Variants in ST6GALNAC5 observed in about 807,000 individuals in gnomAD.
The protein encoded by ST6GALNAC5 is ST6 N-acetylgalactosaminide alpha-2,6-sialyltransferase 5.
A neutral mutation model predicts 33.6 loss-of-function variants in ST6GALNAC5; 27 were observed. That is an observed-to-expected ratio of 0.80 (90% CI 0.59 to 1.11). ST6GALNAC5 has a LOEUF of 1.11. ST6GALNAC5 is among the 50% of genes least tolerant of loss of function. The pLI, the probability that ST6GALNAC5 is intolerant of heterozygous loss-of-function variation, is 0.00. For synonymous variants in ST6GALNAC5, 194 were observed against 171.2 expected, an observed-to-expected ratio of 1.13 and a Z score of -1.04; for missense variants, 428 against 454.0, an observed-to-expected ratio of 0.94 and a Z score of 0.52.
At chr1:77,054,087 C>T (rs955197023) in intron 4 of ST6GALNAC5, among the ~76,000 whole-genome samples, 2 of 152,198 alleles carry the variant, frequency 1.3e-5, no homozygotes, top group East Asian at 1.9e-4. Context: ...TCAGCTAACT[C>T]GTGTTGGGTA....
chr1:76,979,634 CTG>C (rs1162200493), intron 2 of ST6GALNAC5, among the ~76,000 whole-genome samples: 9 of 152,236 alleles, frequency 5.9e-5, no homozygotes, highest in African/African-American at 2.2e-4. Flanking sequence ...CAAATTAAGA[CTG>C]TAATGTAAGA....
intron 2 of ST6GALNAC5, among the ~76,000 whole-genome samples, chr1:76,892,101 G>T (rs986313139): frequency 2.3e-4 from 35 of 152,150 alleles, no homozygotes; most frequent in Non-Finnish European, 3.8e-4. Flanking sequence ...GTTCACTATT[G>T]AGTTAGTAGC....
chr1:76,925,992 T>C (rs370247173), intron 2 of ST6GALNAC5, among the ~76,000 whole-genome samples: 26 of 152,298 alleles, frequency 1.7e-4, no homozygotes, highest in Middle Eastern at 3.4e-3. Flanking sequence ...TACAGAAACC[T>C]GGCCAAGTTC....
intron 2 of ST6GALNAC5, among the ~76,000 whole-genome samples, chr1:76,896,877 A>C (rs994420926): frequency 2.0e-5 from 3 of 152,312 alleles, no homozygotes; most frequent in Admixed American, 1.3e-4. Flanking sequence ...CATGAGGGCT[A>C]GGCTAAAACA....
chr1:76,901,308 G>A (rs1296122038), intron 2 of ST6GALNAC5, among the ~76,000 whole-genome samples: 1 of 152,130 alleles, frequency 6.6e-6, no homozygotes, highest in African/African-American at 2.4e-5. Context: ...GCCTTTTAGG[G>A]CTTTTCCCAA....
intron 2 of ST6GALNAC5, among the ~76,000 whole-genome samples, chr1:77,006,732 A>G (rs1011873662): frequency 5.3e-5 from 8 of 152,224 alleles, no homozygotes; most frequent in Non-Finnish European, 1.2e-4. Flanking sequence ...CCAAACAATT[A>G]GTAGCTTACA....
chr1:76,867,567 G>T lies in ST6GALNAC5; in HGVS notation c.-109G>T. On this transcript the variant is annotated 5_prime_UTR_variant, in exon 1 of 5. Coordinates refer to ENST00000477717, the MANE Select transcript of ST6GALNAC5 (RefSeq NM_030965.3). The stretch of plus-strand genomic sequence containing the variant: ...CGCGATCTGCCGCGGCCGGCTGCTG[G>T]GCAAAAATCAGAGCCGCCTCCGCCC... 6.3e-7 allele frequency: 1 copy of T among 1,585,688 alleles called. No homozygotes were observed. Among genetic ancestry groups the T allele is most frequent in the South Asian group, 1.1e-5 (1 of 90,424 alleles).
chr1:76,874,888 A>G (rs905210936), intron 2 of ST6GALNAC5, among the ~76,000 whole-genome samples: 1 of 152,190 alleles, frequency 6.6e-6, no homozygotes, highest in Non-Finnish European at 1.5e-5. Context: ...ATCTTCAAAT[A>G]AAGACAATAA....
intron 2 of ST6GALNAC5, among the ~76,000 whole-genome samples, chr1:76,963,070 G>A (rs896000514): frequency 1.3e-5 from 2 of 152,104 alleles, no homozygotes; most frequent in African/African-American, 4.8e-5. Context: ...GGACATTTGT[G>A]GAAGATCTGG....
At chr1:76,945,017 A>G (rs79001745) in intron 2 of ST6GALNAC5, among the ~76,000 whole-genome samples, 1,938 of 152,230 alleles carry the variant, frequency 0.013, 42 homozygotes, top group African/African-American at 0.044. Flanking sequence ...GGCCCAAAGA[A>G]GGTCTTCTGG....
chr1:76,933,355 C>G (rs1647163933), intron 2 of ST6GALNAC5, among the ~76,000 whole-genome samples: 1 of 151,848 alleles, frequency 6.6e-6, no homozygotes, highest in African/African-American at 2.4e-5. Context: ...AGATAAGGAC[C>G]CCTGCTTCAG....
chr1:76,977,307 C>G (rs946945732), intron 2 of ST6GALNAC5, among the ~76,000 whole-genome samples: 3 of 152,102 alleles, frequency 2.0e-5, no homozygotes, highest in African/African-American at 7.2e-5. Flanking sequence ...ATTTATCTCT[C>G]TTTGTGGAAA....
rs1422878080 is a variant in ST6GALNAC5 at position 77,064,454 on chromosome 1, G to C, written c.*1248G>C. 2 of 151,912 alleles carry C rather than the reference G, an allele frequency of 1.3e-5. No individual in the cohort carries two copies. The highest frequency in any genetic ancestry group is 2.9e-5 in the Non-Finnish European group (2 of 67,988). The allele number at this position is 151,912 out of a possible 1,614,324, so 9.4% of individuals were successfully genotyped here. ...ACACACACAAAAGACATAGCTCCAA[G>C]GGGTTCCCTGGCTACAATAGCAAAC... is the stretch of plus-strand genomic sequence containing the variant. On this transcript the variant is annotated 3_prime_UTR_variant, in exon 5 of 5. Coordinates refer to ENST00000477717, the MANE Select transcript of ST6GALNAC5 (RefSeq NM_030965.3).
intron 2 of ST6GALNAC5, among the ~76,000 whole-genome samples, chr1:76,975,369 A>G (rs186950964): frequency 6.6e-6 from 1 of 152,316 alleles, no homozygotes; most frequent in East Asian, 1.9e-4. Flanking sequence ...AGTTATATCT[A>G]TATATTTCTT....
intron 2 of ST6GALNAC5, among the ~76,000 whole-genome samples, chr1:76,974,549 A>G (rs1168569530): frequency 6.6e-6 from 1 of 151,816 alleles, no homozygotes; most frequent in Non-Finnish European, 1.5e-5. Context: ...TCTTCTTGAT[A>G]TAAGTCTGTA....
rs535625507 is a variant in ST6GALNAC5, at chr1:77,001,668, A to G, written c.262-42536A>G. Among the ~76,000 whole-genome samples the G allele has an allele frequency of 4.6e-3, 695 of 152,022 alleles. 7 individuals are homozygous for G. Among genetic ancestry groups the G allele is most frequent in the African/African-American group, 0.016 (656 of 41,442 alleles). ...TCTTATTTTGAAATACCTCCCATCAATACCTAATTTATTGAGAGTTTTTAG... is the reference window on the plus strand; with the variant it reads ...TCTTATTTTGAAATACCTCCCATCAGTACCTAATTTATTGAGAGTTTTTAG... On this transcript the variant is annotated intron_variant, in intron 2 of 4. Transcript: ENST00000477717.
intron 2 of ST6GALNAC5, among the ~76,000 whole-genome samples, chr1:77,023,024 C>A (rs978344134): frequency 6.6e-6 from 1 of 152,140 alleles, no homozygotes; most frequent in African/African-American, 2.4e-5. Context: ...TTTAGAGAGG[C>A]CCTAATTCAA....
chr1:76,978,938 A>G (rs1406821263), intron 2 of ST6GALNAC5, among the ~76,000 whole-genome samples: 1 of 152,228 alleles, frequency 6.6e-6, no homozygotes, highest in African/African-American at 2.4e-5. Context: ...TTTACAGAAT[A>G]CAAATCAACA....
intron 2 of ST6GALNAC5, among the ~76,000 whole-genome samples, chr1:76,967,314 G>A (rs1648536770): frequency 1.3e-5 from 2 of 152,054 alleles, no homozygotes; most frequent in African/African-American, 2.4e-5. Context: ...CTTCTTCCTG[G>A]TTTAGTCTTG....
Sources: gnomAD v4.1 joint callset for allele counts (sites outside exome capture counted in the v4.1 genomes callset) on GRCh38, gnomAD v4.1.1 for gene constraint, MANE v1.5 for transcripts, NCBI Gene and HGNC (gene_info 2026-07-23, HGNC 2026-07-21) for gene names.